TNC: variants seen among roughly 807,000 people sequenced by gnomAD.
TNC encodes tenascin C.
Under a neutral mutation model 202.4 loss-of-function variants are expected in TNC, and 109 were observed. That is an observed-to-expected ratio of 0.54 (90% CI 0.46 to 0.63). The LOEUF is 0.63. TNC is among the 30% of genes least tolerant of loss of function. The pLI is 0.00. For missense variants in TNC, 2,756 were observed against 2,833.3 expected, an observed-to-expected ratio of 0.97 and a Z score of 0.62; for synonymous variants, 1,007 against 1,089.7, an observed-to-expected ratio of 0.92 and a Z score of 1.50.
chr9:115,021,354 C>A (rs997327294), intron 27 of TNC, 87 bp from the exon 28 acceptor site: 1 of 873,684 alleles, frequency 1.1e-6, no homozygotes, highest in Non-Finnish European at 1.8e-6. Flanking sequence ...CTGATCATTG[C>A]TATTTAGTCA....
At chr9:115,051,196 C>A (rs148622044) in intron 15 of TNC, among the ~76,000 whole-genome samples, 3 of 152,126 alleles carry the variant, frequency 2.0e-5, no homozygotes, top group African/African-American at 7.2e-5. Flanking sequence ...GCAGCATTTG[C>A]CAAATTGAAC....
At chr9:115,024,568 T>C (rs1414439140) in intron 26 of TNC, among the ~76,000 whole-genome samples, 1 of 152,234 alleles carries the variant, frequency 6.6e-6, no homozygotes, top group African/African-American at 2.4e-5. Flanking sequence ...CTATGATTGT[T>C]ATTTTTATGA....
chr9:115,114,207 G>A (rs919498917), intron 1 of TNC, among the ~76,000 whole-genome samples: 17 of 152,112 alleles, frequency 1.1e-4, no homozygotes, highest in South Asian at 6.2e-4. Context: ...AAACTGGCCC[G>A]GGATAAGATT....
chr9:115,030,145 T>G (rs1829834279), intron 24 of TNC, 109 bp downstream of exon 24: 24 of 1,170,356 alleles, frequency 2.1e-5, no homozygotes, highest in Non-Finnish European at 2.7e-5. Flanking sequence ...GCCTCACACA[T>G]GGGGGTGTCA....
intron 1 of TNC, among the ~76,000 whole-genome samples, chr9:115,093,581 A>G (rs1249375492): frequency 6.6e-6 from 1 of 151,838 alleles, no homozygotes; most frequent in East Asian, 1.9e-4. Flanking sequence ...TCACCTTCAC[A>G]AAGTTCTACT....
intron 17 of TNC, among the ~76,000 whole-genome samples, chr9:115,045,841 G>C (rs11793430): frequency 0.21 from 32,019 of 151,874 alleles, 3,484 homozygotes; most frequent in South Asian, 0.24. Flanking sequence ...AATCTTGCCA[G>C]CTCTCTCCTT....
At chr9:115,050,108 T>C (rs1831533196) in intron 15 of TNC, among the ~76,000 whole-genome samples, 1 of 152,134 alleles carries the variant, frequency 6.6e-6, no homozygotes, top group Non-Finnish European at 1.5e-5. Flanking sequence ...TGGATTTTGT[T>C]TAGATAAGTG....
At chr9:115,033,329 T>A (rs899385324) in intron 22 of TNC, among the ~76,000 whole-genome samples, 6 of 152,142 alleles carry the variant, frequency 3.9e-5, no homozygotes, top group Admixed American at 3.9e-4. Context: ...CCAGTTCTAG[T>A]CCCTGGGGGA....
chr9:115,052,705 C>A (rs1032927608), intron 15 of TNC: 12 of 673,450 alleles, frequency 1.8e-5, no homozygotes, highest in Non-Finnish European at 3.3e-5. Flanking sequence ...CCTTTTCTCT[C>A]TGTGTTAGAC....
intron 15 of TNC, chr9:115,052,779 C>T (rs1831799200): frequency 1.4e-6 from 1 of 702,596 alleles, no homozygotes; most frequent in Non-Finnish European, 2.6e-6. Flanking sequence ...GTGGGATCCC[C>T]AGCCAAGGTG....
Position 115,041,190 on chromosome 9 carries a change from C to T in TNC, c.5249-106G>A, listed in dbSNP as rs1830709387. 4.8e-6 allele frequency: 6 copies of T among 1,256,880 alleles called. No individual in the cohort carries two copies. In the South Asian group the frequency reaches 9.6e-5, roughly 20 times the overall value. 77.9% of individuals were successfully genotyped at this position (1,256,880 alleles called of 1,614,324 possible). A position where few individuals can be genotyped will look rare whatever the true frequency, so the allele number is the denominator to read the frequency against. ...TGATTTAGAAATGAAACTATATCTT[C>T]ATCAAACACCACTTTCTTGACTTCT... is the stretch of plus-strand genomic sequence containing the variant. On this transcript the variant is annotated intron_variant, in intron 18 of 27. Transcript: ENST00000350763.
At chr9:115,093,864 G>A (rs920775449) in intron 1 of TNC, among the ~76,000 whole-genome samples, 1 of 152,096 alleles carries the variant, frequency 6.6e-6, no homozygotes, top group Non-Finnish European at 1.5e-5. Flanking sequence ...TGCATCGTTG[G>A]GGGAAAGAGT....
intron 26 of TNC, among the ~76,000 whole-genome samples, chr9:115,024,349 G>T (rs1377329761): frequency 6.6e-6 from 1 of 152,208 alleles, no homozygotes; most frequent in South Asian, 2.1e-4. Flanking sequence ...AATGTGGTGG[G>T]AAGAGGGCTG....
intron 9 of TNC, among the ~76,000 whole-genome samples, chr9:115,074,849 G>A (rs551253553): frequency 6.6e-6 from 1 of 152,244 alleles, no homozygotes; most frequent in South Asian, 2.1e-4. Context: ...AATATAAATA[G>A]AGTGGACAGA....
intron 17 of TNC, among the ~76,000 whole-genome samples, chr9:115,045,541 ATT>A (rs61415443): frequency 1.5e-4 from 17 of 110,110 alleles, no homozygotes; most frequent in Middle Eastern, 5.2e-3. Flanking sequence ...TAAGTTTTTG[ATT>A]TTTTTTTTTT....
Position 115,079,045 on chromosome 9 carries a change from C to T in TNC, c.2405-833G>A, listed in dbSNP as rs190646414. On this transcript the variant is annotated intron_variant, in intron 6 of 27. Coordinates refer to ENST00000350763, the MANE Select transcript of TNC (RefSeq NM_002160.4). ...ATTCCCTCCCTGTGGCTGCCACTGT[C>T]CTTGAAGAGCATTCTAATATCATAC... Among the ~76,000 whole-genome samples the T allele has an allele frequency of 3.3e-3, 500 of 152,258 alleles. 4 individuals are homozygous for T. Among genetic ancestry groups the T allele is most frequent in the African/African-American group, 0.011 (476 of 41,544 alleles).
chr9:115,101,370 C>T (rs777770186), intron 1 of TNC, among the ~76,000 whole-genome samples: 44 of 152,274 alleles, frequency 2.9e-4, no homozygotes, highest in Non-Finnish European at 4.3e-4. Context: ...CACCACCACG[C>T]TCAGCTAACT....
chr9:115,029,049 A>AG (rs1829750096), intron 25 of TNC, among the ~76,000 whole-genome samples: 1 of 150,274 alleles, frequency 6.7e-6, no homozygotes. Context: ...AAAAAAAAAA[A>AG]AAAAAAGGCA....
At chr9:115,053,058 T>C (rs2132318315) in intron 15 of TNC, 1 of 676,822 alleles carries the variant, frequency 1.5e-6, no homozygotes, top group East Asian at 2.7e-5. Context: ...GAGACATTAT[T>C]AGAGGAAGCA....
Sources: gnomAD v4.1 joint callset for allele counts (sites outside exome capture counted in the v4.1 genomes callset) on GRCh38, gnomAD v4.1.1 for gene constraint, MANE v1.5 for transcripts, NCBI Gene and HGNC (gene_info 2026-07-23, HGNC 2026-07-21) for gene names.